The following DSCAML1 variants were observed in gnomAD, a reference collection of about 807,000 sequenced individuals.
The protein encoded by DSCAML1 is cell adhesion molecule DSCAML1.
A neutral mutation model predicts 200.5 loss-of-function variants in DSCAML1; 38 were observed. That is an observed-to-expected ratio of 0.19 (90% CI 0.15 to 0.25). The LOEUF (loss-of-function observed/expected upper bound fraction) is 0.25. Ranked by LOEUF, DSCAML1 falls within the 10% of genes least tolerant of loss-of-function variation. The pLI, the probability that DSCAML1 is intolerant of heterozygous loss-of-function variation, is 1.00. For synonymous variants in DSCAML1, 1,215 were observed against 1,165.0 expected (o/e 1.04, Z -0.87); for missense variants, 2,223 against 2,858.8 (o/e 0.78, Z 5.07).
At position 117,469,038 on chromosome 11, in the gene DSCAML1, G is replaced by C. The variant is rs1160549461; in HGVS notation, c.3024+872C>G. Among the ~76,000 whole-genome samples the C allele has an allele frequency of 6.6e-6, 1 of 152,222 alleles. No homozygotes were observed. Among genetic ancestry groups the C allele is most frequent in the African/African-American group, 2.4e-5 (1 of 41,464 alleles). On this transcript the variant is annotated intron_variant, in intron 16 of 32. Transcript: ENST00000651296. This position sits in a 1 kb window ranked among gnomAD's most constrained non-coding sequence, Gnocchi z 4.1. ...AGAATGCTCTCTGATCCAGAGCCCT[G>C]TGCAGTGGCTGTGGAGGGAAGAGTG...
chr11:117,474,037 T>C (rs963529189), intron 14 of DSCAML1, among the ~76,000 whole-genome samples: 1 of 152,028 alleles, frequency 6.6e-6, no homozygotes, highest in African/African-American at 2.4e-5. Flanking sequence ...TTTTGATGAG[T>C]GCACGCAGAG....
chr11:117,603,266 T>C (rs116085743), intron 3 of DSCAML1, among the ~76,000 whole-genome samples: 1,572 of 152,320 alleles, frequency 0.01, 26 homozygotes, highest in African/African-American at 0.035. Context: ...ATCCTAAAAC[T>C]GGTAGTGACC....
intron 3 of DSCAML1, among the ~76,000 whole-genome samples, chr11:117,673,758 G>T (rs1440001542): frequency 6.6e-6 from 1 of 152,210 alleles, no homozygotes; most frequent in Non-Finnish European, 1.5e-5. Context: ...TCACGCTGTT[G>T]GTTGGCCCCA....
At chr11:117,805,940 G>A (rs2055704210) in intron 1 of DSCAML1, among the ~76,000 whole-genome samples, 1 of 152,200 alleles carries the variant, frequency 6.6e-6, no homozygotes, top group African/African-American at 2.4e-5. Flanking sequence ...GTGGCTGGCA[G>A]GTGAAGGGCG....
At chr11:117,521,033 T>C in intron 6 of DSCAML1, 97 bp downstream of exon 6, 3 of 1,522,628 alleles carry the variant, frequency 2.0e-6, no homozygotes, top group Non-Finnish European at 2.7e-6. Flanking sequence ...TGAGCGCTGG[T>C]TTAATGCCTC....
At chr11:117,809,007 C>T (rs762670057) in intron 1 of DSCAML1, among the ~76,000 whole-genome samples, 101 of 152,364 alleles carry the variant, frequency 6.6e-4, no homozygotes, top group Non-Finnish European at 2.9e-4. Flanking sequence ...GCCAAGCTCA[C>T]GCCCACGCCT....
At position 117,791,844 on chromosome 11, in the gene DSCAML1, A is replaced by G. The variant is rs2055472746; in HGVS notation, c.46+5190T>C. ...AGGGAGAGGAAGGTAGAGGCAATGCAGAGGAAAAAGTAGAGGTCTAATGTT... is the reference window on the plus strand; with the variant it reads ...AGGGAGAGGAAGGTAGAGGCAATGCGGAGGAAAAAGTAGAGGTCTAATGTT... On this transcript the variant is annotated intron_variant, in intron 1 of 32. Transcript: ENST00000651296. 2.0e-5 allele frequency among the ~76,000 whole-genome samples: 3 copies of G among 152,370 alleles called. No individual in the cohort carries two copies. In the South Asian group the frequency reaches 6.2e-4, roughly 32 times the overall value.
At chr11:117,805,925 A>G (rs916060554) in intron 1 of DSCAML1, among the ~76,000 whole-genome samples, 6 of 152,192 alleles carry the variant, frequency 3.9e-5, no homozygotes, top group Non-Finnish European at 8.8e-5. Flanking sequence ...AGTGCCTAGG[A>G]AACAGTGGCT....
At chr11:117,799,802 G>A (rs777621416), upstream of DSCAML1, among the ~76,000 whole-genome samples, 2 of 152,220 alleles carry the variant, frequency 1.3e-5, no homozygotes, top group Non-Finnish European at 2.9e-5. Flanking sequence ...AAGTCGTAGC[G>A]AGGATTAAAT....
chr11:117,449,984 C>T (rs2048254114), intron 20 of DSCAML1, among the ~76,000 whole-genome samples: 1 of 152,232 alleles, frequency 6.6e-6, no homozygotes, highest in South Asian at 2.1e-4. Flanking sequence ...GGGCTGCCCC[C>T]TCTGCTCCCA....
intron 3 of DSCAML1, among the ~76,000 whole-genome samples, chr11:117,711,193 G>C (rs911794227): frequency 1.3e-5 from 2 of 152,186 alleles, no homozygotes; most frequent in South Asian, 4.1e-4. Flanking sequence ...GGCAGGCTGA[G>C]CTCAGCCCAG....
chr11:117,501,607 T>C (rs545386857), intron 11 of DSCAML1, among the ~76,000 whole-genome samples: 44 of 151,648 alleles, frequency 2.9e-4, no homozygotes, highest in African/African-American at 1.0e-3. Flanking sequence ...GGGGCCGGAA[T>C]GGGAGGGGAC....
intron 3 of DSCAML1, among the ~76,000 whole-genome samples, chr11:117,620,660 T>C (rs1230618997): frequency 2.6e-5 from 4 of 152,190 alleles, no homozygotes; most frequent in Admixed American, 2.6e-4. Context: ...AAACCTGTTT[T>C]AGGCCTGAAC....
chr11:117,735,550 T>G (rs1391217061), intron 3 of DSCAML1, among the ~76,000 whole-genome samples: 1 of 151,696 alleles, frequency 6.6e-6, no homozygotes, highest in Non-Finnish European at 1.5e-5. Flanking sequence ...CAAAAGCACA[T>G]GAAAAAATAA....
chr11:117,653,079 C>T (rs1447410508), intron 3 of DSCAML1, among the ~76,000 whole-genome samples: 1 of 152,176 alleles, frequency 6.6e-6, no homozygotes, highest in Non-Finnish European at 1.5e-5. Context: ...ATTGTTGCTA[C>T]AGGCCCCTCC....
rs1471872822 is a variant in DSCAML1 at position 117,448,673 on chromosome 11, C to T, written c.3708+1876G>A. On this transcript the variant is annotated intron_variant, in intron 20 of 32. Transcript: ENST00000651296. ...GTAGAGTTGGGGGGAGACGGGAAAA[C>T]AGAGCAGGACACATGGCTGAAAGCA... 2.0e-5 allele frequency among the ~76,000 whole-genome samples: 3 copies of T among 151,618 alleles called. No homozygotes were observed. In the East Asian group the frequency reaches 5.8e-4, roughly 29 times the overall value.
chr11:117,772,318 A>AT (rs2055054067), intron 3 of DSCAML1, among the ~76,000 whole-genome samples: 2 of 152,156 alleles, frequency 1.3e-5, no homozygotes, highest in South Asian at 4.1e-4. Context: ...GAATCCTTAT[A>AT]TGACACTAAG....
chr11:117,509,900 C>T (rs559895854), intron 8 of DSCAML1, among the ~76,000 whole-genome samples: 24 of 152,334 alleles, frequency 1.6e-4, no homozygotes, highest in African/African-American at 5.8e-4. Flanking sequence ...GCCCCCGAGT[C>T]CCAGCGTGTC....
chr11:117,614,581 CT>C (rs1265238816), intron 3 of DSCAML1, among the ~76,000 whole-genome samples: 6 of 152,180 alleles, frequency 3.9e-5, no homozygotes, highest in African/African-American at 1.4e-4. Context: ...TTAAAACAAC[CT>C]TATGAGAAAA....
Sources: allele counts gnomAD v4.1 joint callset (sites outside exome capture counted in the v4.1 genomes callset), GRCh38; gene constraint gnomAD v4.1.1; non-coding constraint Gnocchi (gnomAD v3.1); transcripts MANE v1.5; gene names NCBI Gene and HGNC (gene_info 2026-07-23, HGNC 2026-07-21).